PSD3: variants seen among roughly 807,000 people sequenced by gnomAD.
The protein encoded by PSD3 is pleckstrin and Sec7 domain containing 3.
Under a neutral mutation model 105.5 loss-of-function variants are expected in PSD3, and 49 were observed. The observed-to-expected ratio is 0.46, with a 90% CI of 0.37 to 0.59. The LOEUF (loss-of-function observed/expected upper bound fraction) is 0.59. Among genes scored for constraint, PSD3 ranks in the 20% least tolerant of loss-of-function variants. The pLI, the probability that PSD3 is intolerant of heterozygous loss-of-function variation, is 0.00. For synonymous variants in PSD3, 557 were observed against 457.8 expected (o/e 1.22, Z -2.77); for missense variants, 1,561 against 1,263.8 (o/e 1.24, Z -3.57).
chr8:18,847,642 T>A (rs1464010629), intron 4 of PSD3, among the ~76,000 whole-genome samples: 1 of 152,198 alleles, frequency 6.6e-6, no homozygotes, highest in Non-Finnish European at 1.5e-5. Context: ...TGTGAATTAT[T>A]TAACCAAATC....
chr8:19,045,555 G>A (rs1004560796), intron 1 of PSD3, among the ~76,000 whole-genome samples: 4 of 152,186 alleles, frequency 2.6e-5, no homozygotes, highest in African/African-American at 9.6e-5. Flanking sequence ...TTCTAGGACC[G>A]ATTCTACAGA....
At chr8:18,944,082 TG>T (rs1438623027) in intron 1 of PSD3, among the ~76,000 whole-genome samples, 1 of 152,182 alleles carries the variant, frequency 6.6e-6, no homozygotes, top group East Asian at 1.9e-4. Context: ...TTCATGACTA[TG>T]ATGGTTTTGA....
At chr8:19,055,339 C>T (rs2059647) in intron 1 of PSD3, among the ~76,000 whole-genome samples, 10,581 of 152,142 alleles carry the variant, frequency 0.07, 1,236 homozygotes, top group African/African-American at 0.24. Flanking sequence ...CTGCAGTCTC[C>T]ACCTCCCAGG....
chr8:18,719,150 CTGTT>C (rs1237896212), intron 9 of PSD3, among the ~76,000 whole-genome samples: 1 of 152,182 alleles, frequency 6.6e-6, no homozygotes, highest in Admixed American at 6.5e-5. Context: ...GCGCTCTGCT[CTGTT>C]TGGCCAATAA....
intron 9 of PSD3, among the ~76,000 whole-genome samples, chr8:18,754,113 G>A (rs892887889): frequency 6.6e-6 from 1 of 152,170 alleles, no homozygotes; most frequent in Admixed American, 6.5e-5. Context: ...GCCAGGTGCG[G>A]TGGCTCACGC....
intron 11 of PSD3, among the ~76,000 whole-genome samples, chr8:18,602,524 C>A (rs1804509646): frequency 6.6e-6 from 1 of 152,024 alleles, no homozygotes; most frequent in Non-Finnish European, 1.5e-5. Flanking sequence ...TATAATCCTC[C>A]CAAAAAGATA....
intron 2 of PSD3, among the ~76,000 whole-genome samples, chr8:18,901,235 A>G (rs923090292): frequency 6.6e-6 from 1 of 152,202 alleles, no homozygotes; most frequent in Non-Finnish European, 1.5e-5. Context: ...AATCTCCCAA[A>G]AAATTAAACA....
rs1246423560 is a variant in PSD3 at position 18,529,146 on chromosome 8, G to C, written c.*6597C>G. The C allele has an allele frequency of 6.6e-6, 1 of 152,216 alleles. No homozygotes were observed. Among genetic ancestry groups the C allele is most frequent in the Non-Finnish European group, 1.5e-5 (1 of 68,042 alleles). 9.4% of individuals were successfully genotyped at this position (152,216 alleles called of 1,614,324 possible). ...CTTCTGGGACTTCACCCAGGCTACG[G>C]AGAGATGCTGGAGAGCTGCTGCTTG... On this transcript the variant is annotated 3_prime_UTR_variant, in exon 16 of 16. Coordinates refer to ENST00000327040, the MANE Select transcript of PSD3 (RefSeq NM_015310.4).
chr8:18,750,205 C>T (rs1805357935), intron 9 of PSD3, among the ~76,000 whole-genome samples: 1 of 152,202 alleles, frequency 6.6e-6, no homozygotes, highest in South Asian at 2.1e-4. Flanking sequence ...GGTTCTTGGT[C>T]TCACTGACTT....
At chr8:18,736,548 G>A (rs565767642) in intron 9 of PSD3, among the ~76,000 whole-genome samples, 46 of 152,238 alleles carry the variant, frequency 3.0e-4, no homozygotes, top group African/African-American at 8.4e-4. Context: ...AAGAGTTTGA[G>A]AAGGGAATAA....
intron 2 of PSD3, among the ~76,000 whole-genome samples, chr8:18,911,102 T>C (rs1820193916): frequency 1.3e-5 from 2 of 152,068 alleles, no homozygotes; most frequent in Admixed American, 1.3e-4. Flanking sequence ...AATGAGGCCA[T>C]GTCAATCAAT....
chr8:18,838,401 G>A (rs568501082), intron 4 of PSD3, among the ~76,000 whole-genome samples: 34 of 152,268 alleles, frequency 2.2e-4, no homozygotes, highest in South Asian at 8.3e-4. Flanking sequence ...GCATTTCTGC[G>A]CTTCATAAAT....
At chr8:18,735,943 A>AT (rs1804118270) in intron 9 of PSD3, among the ~76,000 whole-genome samples, 1 of 152,154 alleles carries the variant, frequency 6.6e-6, no homozygotes, top group Admixed American at 6.5e-5. Flanking sequence ...GAATAAATAA[A>AT]AACAATTGAT....
rs907403381 is a variant in PSD3 at position 18,535,457 on chromosome 8, A to G, written c.*286T>C. ...AACAACTGAGCAGACTGCAAACAAG[A>G]GAAAACCAAAAGAGAAGGGATACAT... On this transcript the variant is annotated 3_prime_UTR_variant, in exon 16 of 16. Transcript: ENST00000327040. The G allele has an allele frequency of 3.0e-5, 12 of 403,456 alleles. No homozygotes were observed. The highest frequency in any genetic ancestry group is 5.4e-5 in the Non-Finnish European group (12 of 222,312). 25.0% of individuals were successfully genotyped at this position (403,456 alleles called of 1,614,324 possible).
chr8:18,750,238 C>T (rs907495382), intron 9 of PSD3, among the ~76,000 whole-genome samples: 1 of 152,174 alleles, frequency 6.6e-6, no homozygotes, highest in Non-Finnish European at 1.5e-5. Context: ...CGCGGACCCT[C>T]GCGGTGAGTG....
rs149184574 is a variant in PSD3 at position 18,714,722 on chromosome 8, C to A, written c.2172+50727G>T. ...TCAACCATTGTAGAAGACAGTGTGG[C>A]AATTCCTCAAAGACCTAGAACCAGA... On this transcript the variant is annotated intron_variant, in intron 9 of 15. Coordinates refer to ENST00000327040, the MANE Select transcript of PSD3 (RefSeq NM_015310.4). Among the ~76,000 whole-genome samples, 85 of 152,288 alleles carry A rather than the reference C, an allele frequency of 5.6e-4. 1 individual carries two copies. In the East Asian group the frequency reaches 9.1e-3, roughly 16 times the overall value.
upstream of PSD3, chr8:19,084,733 C>A (rs1829754662): frequency 3.3e-6 from 1 of 301,138 alleles, no homozygotes; most frequent in South Asian, 3.0e-5. Flanking sequence ...GTCTCAGGGC[C>A]TGCCTTCTGC....
upstream of PSD3, among the ~76,000 whole-genome samples, chr8:19,014,946 C>T (rs1371442344): frequency 6.6e-6 from 1 of 152,198 alleles, no homozygotes; most frequent in African/African-American, 2.4e-5. This position sits in a 1 kb window ranked among gnomAD's most constrained non-coding sequence, Gnocchi z 4.9. Context: ...TTCAGAAAAA[C>T]GTCCGCAGCT....
intron 9 of PSD3, among the ~76,000 whole-genome samples, chr8:18,739,126 T>G (rs1203770203): frequency 6.6e-6 from 1 of 152,170 alleles, no homozygotes; most frequent in Non-Finnish European, 1.5e-5. Context: ...AAACTTCAGA[T>G]GGATGAATAT....
Sources: gnomAD v4.1 joint callset for allele counts (sites outside exome capture counted in the v4.1 genomes callset) on GRCh38, gnomAD v4.1.1 for gene constraint, Gnocchi (gnomAD v3.1) non-coding constraint, MANE v1.5 for transcripts, NCBI Gene and HGNC (gene_info 2026-07-23, HGNC 2026-07-21) for gene names.